NTNG1: variants seen among roughly 807,000 people sequenced by gnomAD.
The protein encoded by NTNG1 is netrin-G1.
Under a neutral mutation model 54.0 loss-of-function variants are expected in NTNG1, and 16 were observed. The observed-to-expected ratio is 0.30, with a 90% CI of 0.20 to 0.45. NTNG1 has a LOEUF of 0.45. NTNG1 is among the 20% of genes least tolerant of loss of function. The probability of loss-of-function intolerance (pLI) is 1.00; values close to 1 mark genes in which losing one functional copy is unlikely to be tolerated. For missense variants in NTNG1, 530 were observed against 678.7 expected (o/e 0.78, Z 2.43); for synonymous variants, 255 against 263.1 (o/e 0.97, Z 0.30).
intron 7 of NTNG1, among the ~76,000 whole-genome samples, chr1:107,459,438 C>A (rs1677144341): frequency 6.6e-6 from 1 of 151,968 alleles, no homozygotes; most frequent in Admixed American, 6.6e-5. Context: ...TTTGAAAATA[C>A]CCTTGCCAGT....
intron 1 of NTNG1, among the ~76,000 whole-genome samples, chr1:107,146,039 A>G (rs1368125626): frequency 6.6e-6 from 1 of 152,102 alleles, no homozygotes; most frequent in Non-Finnish European, 1.5e-5. Context: ...GAATAAATGG[A>G]TGAGGAGAAT....
intron 7 of NTNG1, among the ~76,000 whole-genome samples, chr1:107,461,426 G>A (rs950123012): frequency 6.6e-6 from 1 of 152,184 alleles, no homozygotes; most frequent in Non-Finnish European, 1.5e-5. Context: ...AGTATGGCTG[G>A]AGGGTGCTGA....
chr1:107,351,161 G>A (rs530001996), intron 3 of NTNG1, among the ~76,000 whole-genome samples: 185 of 152,138 alleles, frequency 1.2e-3, no homozygotes, highest in African/African-American at 4.3e-3. Flanking sequence ...TGCAATCTTT[G>A]TCTTCCCCAA....
chr1:107,348,118 T>C (rs1207384363), intron 3 of NTNG1, among the ~76,000 whole-genome samples: 1 of 122,642 alleles, frequency 8.2e-6, no homozygotes, highest in Non-Finnish European at 1.7e-5. Flanking sequence ...TTGCTTTTAT[T>C]ATTATTATTA....
chr1:107,220,619 GT>G lies in NTNG1; in HGVS notation c.246+71785del, dbSNP rs1309718846. ...TTAGTAGTTGTGTGAATGGGGCAAA[GT>G]TTTTAACCTCTGTCAGCCTCAGTTT... is the stretch of plus-strand genomic sequence containing the variant. On this transcript the variant is annotated intron_variant, in intron 2 of 7. Coordinates refer to ENST00000370068, the MANE Select transcript of NTNG1 (RefSeq NM_001113226.3). 4.6e-5 allele frequency among the ~76,000 whole-genome samples: 7 copies of G among 152,332 alleles called. No individual in the cohort carries two copies. The East Asian group carries it at 1.4e-3, about 29-fold the overall frequency.
intron 5 of NTNG1, among the ~76,000 whole-genome samples, chr1:107,414,242 T>A (rs1458169672): frequency 6.6e-6 from 1 of 152,084 alleles, no homozygotes; most frequent in Admixed American, 6.6e-5. Flanking sequence ...GAGCAAAATA[T>A]TTCCTTCCAG....
Position 107,148,206 on chromosome 1 carries a change from G to T in NTNG1, c.-388G>T, listed in dbSNP as rs1400205347. On this transcript the variant is annotated 5_prime_UTR_variant, in exon 2 of 8. In the 5' UTR this introduces an upstream ATG that the reference lacks. Coordinates refer to ENST00000370068, the MANE Select transcript of NTNG1 (RefSeq NM_001113226.3). ...AGCTGTGAACATTGAGGATCACTCA[G>T]GGTTATCGGATGTACAACGGGAGAG... The T allele has an allele frequency of 5.6e-6, 1 of 178,006 alleles. No individual in the cohort carries two copies. Among genetic ancestry groups the T allele is most frequent in the Non-Finnish European group, 1.2e-5 (1 of 83,570 alleles). The allele number at this position is 178,006 out of a possible 1,614,324, so 11.0% of individuals were successfully genotyped here. A position where few individuals can be genotyped will look rare whatever the true frequency, so the allele number is the denominator to read the frequency against.
intron 3 of NTNG1, among the ~76,000 whole-genome samples, chr1:107,361,668 G>A (rs1264833082): frequency 6.6e-6 from 1 of 151,864 alleles, no homozygotes; most frequent in African/African-American, 2.4e-5. Flanking sequence ...GATTACAGGT[G>A]TGAGCCACTG....
At chr1:107,147,041 A>G (rs894027510) in intron 1 of NTNG1, among the ~76,000 whole-genome samples, 1 of 152,118 alleles carries the variant, frequency 6.6e-6, no homozygotes, top group African/African-American at 2.4e-5. Context: ...TTAAGAAATT[A>G]TACTTTTTAA....
intron 7 of NTNG1, among the ~76,000 whole-genome samples, chr1:107,464,556 G>T (rs933449247): frequency 4.6e-5 from 7 of 152,280 alleles, no homozygotes; most frequent in African/African-American, 1.7e-4. Flanking sequence ...CAAGAGGCTT[G>T]CACGGAACAA....
intron 2 of NTNG1, among the ~76,000 whole-genome samples, chr1:107,305,126 C>T (rs1043102023): frequency 3.9e-5 from 6 of 152,086 alleles, no homozygotes; most frequent in Non-Finnish European, 5.9e-5. Context: ...TTTCTTTATC[C>T]AGTCTATCAT....
intron 2 of NTNG1, among the ~76,000 whole-genome samples, chr1:107,299,729 G>A (rs1447766058): frequency 6.6e-6 from 1 of 152,144 alleles, no homozygotes; most frequent in Non-Finnish European, 1.5e-5. Flanking sequence ...TAGACTGGGG[G>A]CATCATTGTG....
rs58212145 is a variant in NTNG1, at chr1:107,399,092, C to A, written c.1060+3766C>A. ...ACCCATAAAAGCACTCCATGGCCAG[C>A]TAAGTCTGAAAAATGCTGTATACTA... On this transcript the variant is annotated intron_variant, in intron 4 of 7. Transcript: ENST00000370068. Among the ~76,000 whole-genome samples the A allele has an allele frequency of 0.012, 1,810 of 147,070 alleles. 90 individuals carry two copies. The East Asian group carries it at 0.18, about 15-fold the overall frequency.
chr1:107,466,530 A>G (rs965843543), intron 7 of NTNG1, among the ~76,000 whole-genome samples: 8 of 152,216 alleles, frequency 5.3e-5, no homozygotes, highest in African/African-American at 1.9e-4. Flanking sequence ...AAAATAGAGT[A>G]AGAAATGTCG....
chr1:107,233,615 C>A (rs1661209676), intron 2 of NTNG1, among the ~76,000 whole-genome samples: 1 of 152,074 alleles, frequency 6.6e-6, no homozygotes, highest in African/African-American at 2.4e-5. Context: ...GAGTTCCCCG[C>A]CGATCATGGT....
chr1:107,153,716 C>G (rs1226281288), intron 2 of NTNG1, among the ~76,000 whole-genome samples: 2 of 152,124 alleles, frequency 1.3e-5, no homozygotes, highest in African/African-American at 4.8e-5. Context: ...ATTACTCTAC[C>G]TGTTTTTTGA....
At chr1:107,274,293 A>G (rs953947825) in intron 2 of NTNG1, among the ~76,000 whole-genome samples, 6 of 152,226 alleles carry the variant, frequency 3.9e-5, no homozygotes, top group Non-Finnish European at 7.3e-5. Context: ...TTAAAGTGCC[A>G]TCAGATTTCA....
chr1:107,431,667 G>T (rs1328096027), intron 6 of NTNG1, among the ~76,000 whole-genome samples: 1 of 152,100 alleles, frequency 6.6e-6, no homozygotes, highest in Admixed American at 6.6e-5. Context: ...TTTACATAGT[G>T]AAACCTGTCT....
At chr1:107,305,638 T>C (rs72983572) in intron 2 of NTNG1, among the ~76,000 whole-genome samples, 9,888 of 152,204 alleles carry the variant, frequency 0.065, 483 homozygotes, top group African/African-American at 0.13. Context: ...AGATATTAGC[T>C]CTTTAATAGA....
Sources: allele counts gnomAD v4.1 joint callset (sites outside exome capture counted in the v4.1 genomes callset), GRCh38; gene constraint gnomAD v4.1.1; transcripts MANE v1.5; gene names NCBI Gene and HGNC (gene_info 2026-07-23, HGNC 2026-07-21).